MBNL1: variants seen among roughly 807,000 people sequenced by gnomAD.
MBNL1 encodes muscleblind-like protein 1.
MBNL1 carries 8 observed loss-of-function variants against 42.2 expected under a neutral mutation model. The ratio of observed to expected loss-of-function variants is 0.19; its 90% CI spans 0.11 to 0.34. The LOEUF (loss-of-function observed/expected upper bound fraction) is 0.34. Ranked by LOEUF, MBNL1 falls within the 10% of genes least tolerant of loss-of-function variation. The pLI is 1.00. For synonymous variants in MBNL1, 169 were observed against 173.9 expected (o/e 0.97, Z 0.22); for missense variants, 309 against 495.3 (o/e 0.62, Z 3.57).
At position 152,247,372 on chromosome 3, in the gene MBNL1, A is replaced by C. The variant is rs2033317861; in HGVS notation, n.333+2932A>C. 2.0e-5 allele frequency among the ~76,000 whole-genome samples: 3 copies of C among 152,048 alleles called. No homozygotes were observed. In the South Asian group the frequency reaches 6.2e-4, roughly 31 times the overall value. On this transcript the variant is annotated intron_variant and non_coding_transcript_variant, in intron 2 of 2. Transcript: ENST00000477171. ...AAATATGCTAAATAAATAAGAAATT[A>C]TTATGATTGCAAAAATATGAGCTAT...
intron 2 of MBNL1, among the ~76,000 whole-genome samples, chr3:152,313,810 C>A (rs749518601): frequency 3.9e-5 from 6 of 152,166 alleles, no homozygotes; most frequent in African/African-American, 1.4e-4. Context: ...GAGAAAATAA[C>A]CCCTTAACCT....
intron 2 of MBNL1, among the ~76,000 whole-genome samples, chr3:152,328,235 TGTAA>T (rs1342022986): frequency 3.9e-5 from 6 of 152,094 alleles, no homozygotes; most frequent in African/African-American, 1.2e-4. Flanking sequence ...TGATAGAAAA[TGTAA>T]GTAAGACTAG....
At position 152,272,890 on chromosome 3, in the gene MBNL1, A is replaced by G. The variant is rs16864119; in HGVS notation, c.-790+3798A>G. On this transcript the variant is annotated intron_variant, in intron 1 of 9. Coordinates refer to ENST00000324210, the MANE Select transcript of MBNL1 (RefSeq NM_021038.5). Reference sequence around the variant, plus strand: ...ATTTTGCCATTCACAGTGAGTGTTAAGCTGAAAAAAATGTGGTTCTTTTCT... The same window carrying G: ...ATTTTGCCATTCACAGTGAGTGTTAGGCTGAAAAAAATGTGGTTCTTTTCT... Among the ~76,000 whole-genome samples, 109 of 152,382 alleles carry G rather than the reference A, an allele frequency of 7.2e-4. No homozygotes were observed. The East Asian group carries it at 0.018, about 25-fold the overall frequency.
chr3:152,385,902 G>C (rs986591375), intron 2 of MBNL1, among the ~76,000 whole-genome samples: 2 of 151,992 alleles, frequency 1.3e-5, no homozygotes, highest in Non-Finnish European at 2.9e-5. Context: ...CCTGTGGCTG[G>C]TTATGGTCAT....
intron 2 of MBNL1, among the ~76,000 whole-genome samples, chr3:152,402,972 A>C (rs1048139057): frequency 6.6e-6 from 1 of 152,194 alleles, no homozygotes; most frequent in African/African-American, 2.4e-5. Flanking sequence ...AACATGTACA[A>C]AATACAAAGG....
chr3:152,423,985 A>T (rs1457306402), intron 3 of MBNL1, among the ~76,000 whole-genome samples: 4 of 152,222 alleles, frequency 2.6e-5, no homozygotes, highest in Non-Finnish European at 5.9e-5. Flanking sequence ...CTGAATGGGC[A>T]AGAGCTGGAA....
At chr3:152,458,669 T>C (rs981381250) in intron 8 of MBNL1, 4 of 158,314 alleles carry the variant, frequency 2.5e-5, no homozygotes, top group Non-Finnish European at 5.6e-5. Flanking sequence ...TCTATATTGG[T>C]TTCTTATTGT....
At chr3:152,267,342 C>T (rs1459002780), upstream of MBNL1, 3 of 152,442 alleles carry the variant, frequency 2.0e-5, no homozygotes, top group African/African-American at 7.2e-5. Flanking sequence ...CCTCAGAGCC[C>T]TCATTGGATT....
intron 1 of MBNL1, among the ~76,000 whole-genome samples, chr3:152,283,309 T>G (rs555032141): frequency 6.6e-6 from 1 of 152,318 alleles, no homozygotes; most frequent in South Asian, 2.1e-4. Flanking sequence ...AAATGTTACT[T>G]TAATTTTATT....
chr3:152,320,883 A>G (rs1033962332), intron 2 of MBNL1, among the ~76,000 whole-genome samples: 2 of 151,888 alleles, frequency 1.3e-5, no homozygotes, highest in African/African-American at 4.8e-5. Flanking sequence ...GTTACACCTA[A>G]ATTTCTCTAT....
At chr3:152,367,656 G>A (rs1324314992) in intron 2 of MBNL1, among the ~76,000 whole-genome samples, 2 of 152,190 alleles carry the variant, frequency 1.3e-5, no homozygotes, top group African/African-American at 2.4e-5. Context: ...CAGTGTAAAA[G>A]TGTTCCTGTT....
At chr3:152,257,773 C>G (rs896249936) in intron 2 of MBNL1, among the ~76,000 whole-genome samples, 1 of 152,128 alleles carries the variant, frequency 6.6e-6, no homozygotes, top group African/African-American at 2.4e-5. Flanking sequence ...ATTTTCCTTC[C>G]TGTGGCGACA....
At chr3:152,458,222 A>G (rs1560686912) in intron 8 of MBNL1, 7 of 1,606,856 alleles carry the variant, frequency 4.4e-6, no homozygotes, top group East Asian at 4.5e-5. Context: ...TGCTTGGAGC[A>G]CATTTTCGTG....
At chr3:152,450,810 C>CTA (rs1438083914) in intron 6 of MBNL1, among the ~76,000 whole-genome samples, 6 of 152,184 alleles carry the variant, frequency 3.9e-5, no homozygotes, top group Non-Finnish European at 8.8e-5. Flanking sequence ...CCCAGATACT[C>CTA]TAGACATTTG....
At chr3:152,427,749 ATAAAAATTT>A (rs1048099953) in intron 3 of MBNL1, among the ~76,000 whole-genome samples, 2 of 150,886 alleles carry the variant, frequency 1.3e-5, no homozygotes, top group African/African-American at 2.4e-5. Flanking sequence ...CATTTTTAAA[ATAAAAATTT>A]TAAAAATTTT....
Position 152,277,663 on chromosome 3 carries a change from C to T in MBNL1, c.-790+8571C>T, listed in dbSNP as rs113504248. 9.2e-3 allele frequency among the ~76,000 whole-genome samples: 1,402 copies of T among 152,152 alleles called. 26 individuals are homozygous for T. The highest frequency in any genetic ancestry group is 0.032 in the African/African-American group (1,310 of 41,530). ...TAGAATAGAAAGCTTTATTGGAATACTTACATGTCTTTTTAGTTTGAGGAC... is the reference window on the plus strand; with the variant it reads ...TAGAATAGAAAGCTTTATTGGAATATTTACATGTCTTTTTAGTTTGAGGAC... On this transcript the variant is annotated intron_variant, in intron 1 of 9. Coordinates refer to ENST00000324210, the MANE Select transcript of MBNL1 (RefSeq NM_021038.5).
chr3:152,421,688 C>T (rs933277156), intron 3 of MBNL1, among the ~76,000 whole-genome samples: 12 of 152,082 alleles, frequency 7.9e-5, no homozygotes, highest in Non-Finnish European at 8.8e-5. Context: ...TAAGGGCAGC[C>T]AGAGAGAAAG....
chr3:152,319,931 A>G (rs1025794769), intron 2 of MBNL1, among the ~76,000 whole-genome samples: 1 of 152,064 alleles, frequency 6.6e-6, no homozygotes, highest in Non-Finnish European at 1.5e-5. Flanking sequence ...AACATCCTTC[A>G]TGAAAATGAA....
chr3:152,350,923 C>T (rs891096575), intron 2 of MBNL1, among the ~76,000 whole-genome samples: 10 of 152,086 alleles, frequency 6.6e-5, no homozygotes, highest in Admixed American at 4.6e-4. Flanking sequence ...CGGTAACCCC[C>T]GAAGTCAGTG....
Sources: allele counts gnomAD v4.1 joint callset (sites outside exome capture counted in the v4.1 genomes callset), GRCh38; gene constraint gnomAD v4.1.1; transcripts MANE v1.5; gene names NCBI Gene and HGNC (gene_info 2026-07-23, HGNC 2026-07-21).